Variants in KDM2B observed in about 807,000 individuals in gnomAD.
The protein encoded by KDM2B is lysine demethylase 2B.
A neutral mutation model predicts 150.0 loss-of-function variants in KDM2B; 26 were observed. The observed-to-expected ratio is 0.17, with a 90% CI of 0.13 to 0.24. KDM2B has a LOEUF of 0.24. KDM2B is among the 10% of genes least tolerant of loss of function. The pLI, the probability that KDM2B is intolerant of heterozygous loss-of-function variation, is 1.00. For missense variants in KDM2B, 1,265 were observed against 1,816.9 expected (o/e 0.70, Z 5.52); for synonymous variants, 734 against 729.5 (o/e 1.01, Z -0.10).
intron 12 of KDM2B, among the ~76,000 whole-genome samples, chr12:121,471,727 T>C (rs1880789026): frequency 6.6e-6 from 1 of 152,182 alleles, no homozygotes. Flanking sequence ...CAGCTAAAGC[T>C]TGGGAACATC....
At position 121,574,457 on chromosome 12, in the gene KDM2B, A is replaced by T. The variant is rs1378770883; in HGVS notation, c.397+90T>A. ...CCGTGGGGACTTTGTTTTGAGAGGC[A>T]GTTAAAAGTCTAAATGGGCAGGTGG... On this transcript the variant is annotated intron_variant, in intron 4 of 22. Transcript: ENST00000377071. The T allele has an allele frequency of 1.5e-5, 18 of 1,222,368 alleles. No homozygotes were observed. In the East Asian group the frequency reaches 4.3e-4, roughly 29 times the overall value. The allele number at this position is 1,222,368 out of a possible 1,614,324, so 75.7% of individuals were successfully genotyped here.
chr12:121,563,135 T>C (rs1047925546), intron 4 of KDM2B, among the ~76,000 whole-genome samples: 8 of 151,714 alleles, frequency 5.3e-5, no homozygotes, highest in Admixed American at 6.6e-5. Context: ...CTGGGCAACA[T>C]AGCGAGACTC....
intron 4 of KDM2B, among the ~76,000 whole-genome samples, chr12:121,558,487 T>C (rs576633463): frequency 2.1e-5 from 3 of 145,128 alleles, no homozygotes; most frequent in African/African-American, 7.8e-5. Context: ...GGAGTCTCAC[T>C]CTGTTGCCCA....
chr12:121,473,484 C>T (rs1382420875), intron 12 of KDM2B, among the ~76,000 whole-genome samples: 1 of 151,654 alleles, frequency 6.6e-6, no homozygotes, highest in Non-Finnish European at 1.5e-5. Flanking sequence ...TTTGGGAGGT[C>T]GAGGCAGGTG....
At chr12:121,482,235 G>C (rs541631785) in intron 12 of KDM2B, among the ~76,000 whole-genome samples, 1 of 152,296 alleles carries the variant, frequency 6.6e-6, no homozygotes, top group South Asian at 2.1e-4. Context: ...AAAAATTCCA[G>C]GTGATGTAAG....
At chr12:121,421,371 TAAAAAAAA>T in the KDM2B span, among the ~76,000 whole-genome samples, 8 of 46,368 alleles carry the variant, frequency 1.7e-4, no homozygotes, top group Admixed American at 9.8e-4. Context: ...ATCCCATCTC[TAAAAAAAA>T]AAAAAAAAAA....
At chr12:121,409,878 AGGCGTGGT>A in the KDM2B span, 1 of 152,268 alleles carries the variant, frequency 6.6e-6, no homozygotes, top group Non-Finnish European at 1.5e-5. Context: ...GTTCATGGCC[AGGCGTGGT>A]GGCTCATACC....
chr12:121,417,114 T>C, the KDM2B span, among the ~76,000 whole-genome samples: 2 of 152,248 alleles, frequency 1.3e-5, no homozygotes, highest in Non-Finnish European at 2.9e-5. This position sits in a 1 kb window ranked among gnomAD's most constrained non-coding sequence, Gnocchi z 5.0. Context: ...CAGTCTGTTA[T>C]GCTTTTTGTC....
In KDM2B at chr12:121,467,983, AC is replaced by A. The variant is rs1296145631; in HGVS notation, c.1735-14640del. The A allele has an allele frequency of 6.6e-6, 1 of 152,634 alleles. No individual in the cohort carries two copies. Among genetic ancestry groups the A allele is most frequent in the East Asian group, 1.9e-4 (1 of 5,180 alleles). 9.5% of individuals were successfully genotyped at this position (152,634 alleles called of 1,614,324 possible). On this transcript the variant is annotated intron_variant, in intron 12 of 22. Coordinates refer to ENST00000377071, the MANE Select transcript of KDM2B (RefSeq NM_032590.5). This position sits in a 1 kb window ranked among gnomAD's most constrained non-coding sequence, Gnocchi z 5.1. ...GGCTGGGCCGGCCTCCTGGCGCTGC[AC>A]CTCCGGCACTCGGGTTCGCCTTTGC...
chr12:121,453,290 A>G lies in KDM2B; in HGVS notation c.1789T>C (p.Leu597=), dbSNP rs1877650832. The part of the protein sequence containing the change: ...GKLGPASAVK[L]AANRTTAGAR... ...CCTGCCGTTGTCCGGTTGGCGGCCA[A>G]CTTCACCGCGGAGGCCGGGCCCAGC... The change falls in exon 13 of 23, where the codon TTG becomes CTG. Residue 597 remains leucine (L), a synonymous_variant. Transcript: ENST00000377071. This position sits in a 1 kb window ranked among gnomAD's most constrained non-coding sequence, Gnocchi z 6.4. The G allele has an allele frequency of 1.9e-6, 3 of 1,604,446 alleles. No individual in the cohort carries two copies. Among genetic ancestry groups the G allele is most frequent in the Non-Finnish European group, 2.6e-6 (3 of 1,175,656 alleles).
rs1555285039 is a variant in KDM2B at position 121,429,973 on chromosome 12, T to C, written c.*315A>G. On this transcript the variant is annotated 3_prime_UTR_variant, in exon 23 of 23. Transcript: ENST00000377071. Reference sequence around the variant, plus strand: ...AAACACCACTACCACTAACAGAAACTCCTAAGCTCATGCTTCAGTATGAGA... The same window carrying C: ...AAACACCACTACCACTAACAGAAACCCCTAAGCTCATGCTTCAGTATGAGA... 4 of 765,564 alleles carry C rather than the reference T, an allele frequency of 5.2e-6. No homozygotes were observed. Among genetic ancestry groups the C allele is most frequent in the East Asian group, 2.5e-5 (1 of 39,664 alleles). 47.4% of individuals were successfully genotyped at this position (765,564 alleles called of 1,614,324 possible).
At position 121,549,723 on chromosome 12, in the gene KDM2B, G is replaced by T; in HGVS notation, c.398-85C>A. 7.9e-7 allele frequency: 1 copy of T among 1,264,338 alleles called. No homozygotes were observed. Among genetic ancestry groups the T allele is most frequent in the Admixed American group, 2.3e-5 (1 of 42,590 alleles). The allele number at this position is 1,264,338 out of a possible 1,614,324, so 78.3% of individuals were successfully genotyped here. A position where few individuals can be genotyped will look rare whatever the true frequency, so the allele number is the denominator to read the frequency against. On this transcript the variant is annotated intron_variant, in intron 4 of 22. Transcript: ENST00000377071. The surrounding 1 kb of genome is among the most constrained non-coding windows in gnomAD (Gnocchi z 4.4). Reference sequence around the variant, plus strand: ...GGGAGCCCCTCACTAAACAAAAGCTGCTCCTCCACGTTTCCCCACAGTCCT... The same window carrying T: ...GGGAGCCCCTCACTAAACAAAAGCTTCTCCTCCACGTTTCCCCACAGTCCT...
At chr12:121,512,283 G>A (rs896959638) in intron 10 of KDM2B, among the ~76,000 whole-genome samples, 1 of 151,982 alleles carries the variant, frequency 6.6e-6, no homozygotes, top group Non-Finnish European at 1.5e-5. Context: ...AATGAGGCTC[G>A]CGACAGACCT....
chr12:121,478,866 T>TTGTTTGTTTGTGTGTGTGTGTGTGTGTG (rs61509046), intron 12 of KDM2B, among the ~76,000 whole-genome samples: 70 of 131,210 alleles, frequency 5.3e-4, no homozygotes, highest in Non-Finnish European at 6.8e-4. Context: ...TTTTGTTTGT[T>TTGTTTGTTTGTGTGTGTGTGTGTGTGTG]TGTGTGTGTG....
intron 13 of KDM2B, among the ~76,000 whole-genome samples, chr12:121,450,842 C>A (rs1877131620): frequency 1.5e-5 from 2 of 133,214 alleles, no homozygotes; most frequent in Non-Finnish European, 3.1e-5. Flanking sequence ...GCCTGGGTGA[C>A]AGAGCAAGAC....
chr12:121,414,337 C>T, the KDM2B span, among the ~76,000 whole-genome samples: 52 of 152,354 alleles, frequency 3.4e-4, no homozygotes, highest in Admixed American at 3.1e-3. Context: ...GTTCTAAACA[C>T]TATAGCTTTT....
At chr12:121,449,836 G>C (rs1359562025) in intron 13 of KDM2B, among the ~76,000 whole-genome samples, 1 of 152,170 alleles carries the variant, frequency 6.6e-6, no homozygotes. Context: ...CCATGGAAAT[G>C]TCCTGGGGTT....
intron 6 of KDM2B, 83 bp from the exon 7 acceptor site, chr12:121,534,673 C>A: frequency 1.0e-6 from 1 of 964,394 alleles, no homozygotes. Context: ...AGGTCCTGAA[C>A]TGGTGCCCTT....
Position 121,527,126 on chromosome 12 carries a change from C to T in KDM2B, c.931+5680G>A, listed in dbSNP as rs933779434. Among the ~76,000 whole-genome samples, 299 of 151,630 alleles carry T rather than the reference C, an allele frequency of 2.0e-3. 2 individuals are homozygous for T. The highest frequency in any genetic ancestry group is 6.9e-3 in the African/African-American group (286 of 41,506). On this transcript the variant is annotated intron_variant, in intron 8 of 22. Transcript: ENST00000377071. ...GCAGTGACGTGATCTCTGCTCACTG[C>T]AAGCTCTGCCTCCCGGGTTCACACC...
Sources: gnomAD v4.1 joint callset for allele counts (sites outside exome capture counted in the v4.1 genomes callset) on GRCh38, gnomAD v4.1.1 for gene constraint, Gnocchi (gnomAD v3.1) non-coding constraint, MANE v1.5 for transcripts, NCBI Gene and HGNC (gene_info 2026-07-23, HGNC 2026-07-21) for gene names.